HAUS1: variants seen among roughly 807,000 people sequenced by gnomAD.
HAUS1 encodes the protein HAUS augmin like complex subunit 1.
A neutral mutation model predicts 38.6 loss-of-function variants in HAUS1; 25 were observed. The observed-to-expected ratio is 0.65, with a 90% confidence interval of 0.47 to 0.91. The LOEUF is 0.91. Among genes scored for constraint, HAUS1 ranks in the 40% least tolerant of loss-of-function variants. The probability of loss-of-function intolerance (pLI) is 0.00; values close to 1 mark genes in which losing one functional copy is unlikely to be tolerated. For synonymous variants in HAUS1, 109 were observed against 112.9 expected (o/e 0.97, Z 0.22); for missense variants, 325 against 328.4 (o/e 0.99, Z 0.08).
At chr18:46,120,827 C>T (rs1911918296) in intron 4 of HAUS1, among the ~76,000 whole-genome samples, 1 of 151,966 alleles carries the variant, frequency 6.6e-6, no homozygotes, top group Non-Finnish European at 1.5e-5. Flanking sequence ...CTCAAGTGGT[C>T]CACCTGCCTT....
chr18:46,119,768 A>G lies in HAUS1; in HGVS notation c.342-158A>G, dbSNP rs147478645. Among the ~76,000 whole-genome samples, 8 of 152,338 alleles carry G rather than the reference A, an allele frequency of 5.3e-5. No individual in the cohort carries two copies. In the East Asian group the frequency reaches 1.5e-3, roughly 29 times the overall value. On this transcript the variant is annotated intron_variant, in intron 3 of 8. Transcript: ENST00000282058. ...GGAACTTTGCCGAATGAAGAAGGGCATTCCAGGCAATGGGAACAGTGTGTA... is the reference window on the plus strand; with the variant it reads ...GGAACTTTGCCGAATGAAGAAGGGCGTTCCAGGCAATGGGAACAGTGTGTA...
intron 6 of HAUS1, among the ~76,000 whole-genome samples, chr18:46,124,445 G>T (rs956726758): frequency 1.3e-5 from 2 of 149,020 alleles, no homozygotes; most frequent in African/African-American, 5.0e-5. Context: ...AATTAGCCAG[G>T]CATGGTGGTG....
intron 1 of HAUS1, 33 bp downstream of exon 1, chr18:46,104,474 C>CT: frequency 6.9e-7 from 1 of 1,454,586 alleles, no homozygotes; most frequent in Non-Finnish European, 9.1e-7. Flanking sequence ...CGTTGGCCTC[C>CT]TGGAAAACGC....
intron 2 of HAUS1, among the ~76,000 whole-genome samples, chr18:46,115,458 C>CAA (rs35249053): frequency 1.3e-4 from 14 of 108,842 alleles, no homozygotes; most frequent in African/African-American, 3.4e-4. Flanking sequence ...GACTGCATCT[C>CAA]AAAAAAAAAA....
intron 8 of HAUS1, chr18:46,126,687 TTA>T (rs1912115648): frequency 6.6e-6 from 1 of 151,946 alleles, no homozygotes. Context: ...TGCAGTGGCG[TTA>T]TCTTAGCTCA....
At chr18:46,107,988 C>T (rs543767928) in intron 2 of HAUS1, among the ~76,000 whole-genome samples, 1 of 152,196 alleles carries the variant, frequency 6.6e-6, no homozygotes, top group East Asian at 1.9e-4. Flanking sequence ...TATAGGTGCA[C>T]ACCACGTGCC....
intron 8 of HAUS1, among the ~76,000 whole-genome samples, chr18:46,126,184 A>G (rs1165802191): frequency 6.6e-6 from 1 of 152,136 alleles, no homozygotes; most frequent in Non-Finnish European, 1.5e-5. Flanking sequence ...CTGAGGCAGG[A>G]GAATCACTTG....
At chr18:46,119,809 G>GT (rs1911888049) in intron 3 of HAUS1, 117 bp from the exon 4 acceptor site, 1 of 859,848 alleles carries the variant, frequency 1.2e-6, no homozygotes, top group African/African-American at 1.7e-5. Context: ...AGGCATAAAG[G>GT]TATGAACAGC....
At chr18:46,123,133 C>T in intron 5 of HAUS1, 166 bp from the exon 6 acceptor site, 1 of 549,560 alleles carries the variant, frequency 1.8e-6, no homozygotes, top group Non-Finnish European at 3.3e-6. Context: ...ATGACATGAA[C>T]CCGGGAGGCG....
chr18:46,114,190 C>T (rs558266907), intron 2 of HAUS1, among the ~76,000 whole-genome samples: 48 of 152,324 alleles, frequency 3.2e-4, no homozygotes, highest in Admixed American at 3.3e-4. Context: ...TACAGTTTAG[C>T]CTGTATCTTG....
intron 7 of HAUS1, 36 bp downstream of exon 7, chr18:46,124,929 C>T (rs1171675143): frequency 6.0e-6 from 7 of 1,164,758 alleles, no homozygotes; most frequent in Non-Finnish European, 7.7e-6. Context: ...CAATTATTTC[C>T]TCCAACCTTC....
At chr18:46,125,636 A>G in intron 7 of HAUS1, 108 bp from the exon 8 acceptor site, 3 of 674,118 alleles carry the variant, frequency 4.5e-6, no homozygotes, top group Non-Finnish European at 7.9e-6. Context: ...TACATTGGGT[A>G]TCCCTCTGGG....
intron 2 of HAUS1, among the ~76,000 whole-genome samples, chr18:46,115,618 A>T (rs1267168369): frequency 6.6e-6 from 1 of 151,630 alleles, no homozygotes; most frequent in Admixed American, 6.6e-5. Flanking sequence ...ACAGAGTGAG[A>T]CCCTGCCTCA....
chr18:46,123,228 AAG>A (rs1174485782), intron 5 of HAUS1, 69 bp from the exon 6 acceptor site: 1 of 1,099,356 alleles, frequency 9.1e-7, no homozygotes, highest in Non-Finnish European at 1.4e-6. Context: ...AAAGAAGAAA[AAG>A]AAAAATATTT....
intron 2 of HAUS1, among the ~76,000 whole-genome samples, chr18:46,115,589 C>T (rs986937214): frequency 6.6e-6 from 1 of 151,724 alleles, no homozygotes; most frequent in African/African-American, 2.4e-5. Flanking sequence ...TATCGTGCCA[C>T]TGCACTCCAG....
At chr18:46,116,927 G>A (rs1243433859) in intron 2 of HAUS1, among the ~76,000 whole-genome samples, 6 of 151,990 alleles carry the variant, frequency 3.9e-5, no homozygotes, top group East Asian at 1.9e-4. Context: ...ATCTGAGATC[G>A]TGCCACTGTT....
chr18:46,123,386 T>G (rs775533628), intron 6 of HAUS1, 22 bp downstream of exon 6: 1 of 1,516,308 alleles, frequency 6.6e-7, no homozygotes, highest in Non-Finnish European at 9.0e-7. Flanking sequence ...TTAACCTAAT[T>G]TAACTTTCTT....
intron 2 of HAUS1, among the ~76,000 whole-genome samples, chr18:46,106,243 G>A (rs1911476750): frequency 6.6e-6 from 1 of 152,126 alleles, no homozygotes; most frequent in African/African-American, 2.4e-5. Flanking sequence ...GGCCGAGGCG[G>A]GCGGATCACA....
At chr18:46,113,370 C>T (rs1395316164) in intron 2 of HAUS1, among the ~76,000 whole-genome samples, 2 of 152,076 alleles carry the variant, frequency 1.3e-5, no homozygotes, top group East Asian at 1.9e-4. Flanking sequence ...AGCCACCATG[C>T]CCAGCCCATA....
Sources: allele counts gnomAD v4.1 joint callset (sites outside exome capture counted in the v4.1 genomes callset), GRCh38; gene constraint gnomAD v4.1.1; transcripts MANE v1.5; gene names NCBI Gene and HGNC (gene_info 2026-07-23, HGNC 2026-07-21).